NTRK3: variants seen among roughly 807,000 people sequenced by gnomAD.
NTRK3 encodes the protein NT-3 growth factor receptor.
Under a neutral mutation model 91.7 loss-of-function variants are expected in NTRK3, and 24 were observed. That is an observed-to-expected ratio of 0.26 (90% CI 0.19 to 0.37). The LOEUF is 0.37. Ranked by LOEUF, NTRK3 falls within the 10% of genes least tolerant of loss-of-function variation. The probability of loss-of-function intolerance (pLI) is 1.00; values close to 1 mark genes in which losing one functional copy is unlikely to be tolerated. For synonymous variants in NTRK3, 483 were observed against 404.0 expected (o/e 1.20, Z -2.34); for missense variants, 880 against 1,068.9 (o/e 0.82, Z 2.46).
At chr15:87,950,268 G>A (rs2070976195) in intron 14 of NTRK3, among the ~76,000 whole-genome samples, 1 of 152,212 alleles carries the variant, frequency 6.6e-6, no homozygotes, top group Admixed American at 6.5e-5. Context: ...ACACCTGTGA[G>A]GACCACAGGG....
chr15:88,210,185 G>T (rs1470451426), intron 3 of NTRK3: 1 of 152,160 alleles, frequency 6.6e-6, no homozygotes, highest in East Asian at 1.9e-4. Context: ...GGAATGAAGG[G>T]AGCCCACACC....
At chr15:88,175,856 G>A (rs1490738105) in intron 5 of NTRK3, among the ~76,000 whole-genome samples, 1 of 152,168 alleles carries the variant, frequency 6.6e-6, no homozygotes, top group African/African-American at 2.4e-5. Context: ...CGAATGTCAG[G>A]CCATGTGGTT....
intron 3 of NTRK3, among the ~76,000 whole-genome samples, chr15:88,242,245 G>A (rs1006425141): frequency 3.9e-5 from 6 of 152,088 alleles, no homozygotes; most frequent in African/African-American, 1.2e-4. Context: ...AATGAAACTC[G>A]CTTCTCTTGC....
intron 6 of NTRK3, chr15:88,143,931 G>A (rs2042630494): frequency 6.6e-6 from 1 of 152,188 alleles, no homozygotes; most frequent in Admixed American, 6.5e-5. Flanking sequence ...CATGCATGCA[G>A]GGTATTCAGA....
At chr15:87,899,025 A>C (rs529919647) in intron 17 of NTRK3, among the ~76,000 whole-genome samples, 1 of 152,068 alleles carries the variant, frequency 6.6e-6, no homozygotes, top group South Asian at 2.1e-4. Context: ...TCTAATTGCA[A>C]CTGTTACTTA....
intron 14 of NTRK3, 67 bp downstream of exon 14, chr15:88,032,790 G>T (rs1222136819): frequency 6.4e-7 from 1 of 1,574,474 alleles, no homozygotes; most frequent in East Asian, 2.2e-5. Context: ...CAGAACCCCA[G>T]GTACATGGTC....
intron 13 of NTRK3, among the ~76,000 whole-genome samples, chr15:88,085,006 G>C (rs759587613): frequency 6.6e-6 from 1 of 152,202 alleles, no homozygotes; most frequent in Non-Finnish European, 1.5e-5. Context: ...TCCCTCAAGA[G>C]CAAGAAGAGA....
At chr15:88,033,016 C>A (rs751246376) in exon 14 of NTRK3, 1 of 1,601,184 alleles carries the variant, frequency 6.2e-7, no homozygotes, top group Admixed American at 1.7e-5. Context: ...CTGGCTGAGT[C>A]CTCCTCACCA....
chr15:88,104,358 G>T lies in NTRK3; in HGVS notation c.1396+21913C>A, dbSNP rs144322125. 2.9e-3 allele frequency among the ~76,000 whole-genome samples: 441 copies of T among 152,316 alleles called. 1 individual carries two copies. Among genetic ancestry groups the T allele is most frequent in the African/African-American group, 9.8e-3 (408 of 41,580 alleles). The stretch of plus-strand genomic sequence containing the variant: ...AATCCATTCTACTGTCTCTAATGAA[G>T]ATGCACATTTCCTTAGAACAACGTT... On this transcript the variant is annotated intron_variant, in intron 13 of 18. Coordinates refer to ENST00000394480, the Ensembl canonical transcript of NTRK3.
rs75533920 is a variant in NTRK3, at chr15:88,121,626, T to C, written c.1396+4645A>G. 5.7e-3 allele frequency among the ~76,000 whole-genome samples: 867 copies of C among 152,276 alleles called. 8 individuals carry two copies. The highest frequency in any genetic ancestry group is 0.02 in the African/African-American group (846 of 41,542). ...TATATGTTTCTGTAGCTGCAGTAAA[T>C]AGCCCATGCCCTGAACCCCACAAGT... On this transcript the variant is annotated intron_variant, in intron 13 of 18. Coordinates refer to ENST00000394480, the Ensembl canonical transcript of NTRK3.
chr15:87,901,757 G>T (rs2066465217), intron 17 of NTRK3, among the ~76,000 whole-genome samples: 1 of 146,442 alleles, frequency 6.8e-6, no homozygotes, highest in South Asian at 2.1e-4. Context: ...AAGGAGGAAA[G>T]TTGGGGAGGG....
intron 13 of NTRK3, among the ~76,000 whole-genome samples, chr15:88,080,463 T>C (rs1202805629): frequency 6.6e-6 from 1 of 152,246 alleles, no homozygotes; most frequent in African/African-American, 2.4e-5. Context: ...GCTGAACAAA[T>C]TTCCATATGT....
At chr15:88,101,590 C>T (rs1311168300) in intron 13 of NTRK3, among the ~76,000 whole-genome samples, 1 of 152,198 alleles carries the variant, frequency 6.6e-6, no homozygotes, top group Non-Finnish European at 1.5e-5. Context: ...CGGCACTATT[C>T]ACAATAGCAA....
At chr15:87,889,649 G>A (rs936444137) in intron 17 of NTRK3, among the ~76,000 whole-genome samples, 1 of 151,972 alleles carries the variant, frequency 6.6e-6, no homozygotes, top group South Asian at 2.1e-4. Context: ...TCACCTTAAA[G>A]TTGCAACAGG....
At chr15:88,143,187 C>T (rs147458463) in intron 6 of NTRK3, among the ~76,000 whole-genome samples, 3 of 152,172 alleles carry the variant, frequency 2.0e-5, no homozygotes, top group African/African-American at 7.2e-5. Flanking sequence ...CATGCCTCTG[C>T]ACTCTAGCCT....
chr15:88,190,049 G>T (rs142288716), intron 3 of NTRK3, among the ~76,000 whole-genome samples: 1 of 152,224 alleles, frequency 6.6e-6, no homozygotes, highest in South Asian at 2.1e-4. Flanking sequence ...CCTTTACCTG[G>T]CAGAACTTCC....
In NTRK3 at chr15:88,224,770, C is replaced by A. The variant is rs540342205; in HGVS notation, c.248+31136G>T. Among the ~76,000 whole-genome samples, 4 of 152,280 alleles carry A rather than the reference C, an allele frequency of 2.6e-5. No homozygotes were observed. The East Asian group carries it at 7.8e-4, about 30-fold the overall frequency. On this transcript the variant is annotated intron_variant, in intron 3 of 18. Coordinates refer to ENST00000394480, the Ensembl canonical transcript of NTRK3. ...GGTAGGGTTGATAAGGCACAGCCTG[C>A]TGCTGACCTTGAGGTGTCCCTGTCT...
chr15:88,208,828 G>A (rs2049003927), intron 3 of NTRK3, among the ~76,000 whole-genome samples: 2 of 152,166 alleles, frequency 1.3e-5, no homozygotes, highest in African/African-American at 2.4e-5. Context: ...CACCCTCAGA[G>A]ATTGCAATTT....
chr15:88,131,332 A>G (rs990365076), intron 10 of NTRK3, among the ~76,000 whole-genome samples: 4 of 152,246 alleles, frequency 2.6e-5, no homozygotes, highest in Non-Finnish European at 5.9e-5. Context: ...ACCAGCAGAT[A>G]TTCTCTAACT....
Sources: allele counts gnomAD v4.1 joint callset (sites outside exome capture counted in the v4.1 genomes callset), GRCh38; gene constraint gnomAD v4.1.1; transcripts MANE v1.5; gene names NCBI Gene and HGNC (gene_info 2026-07-23, HGNC 2026-07-21).